RNF14: variants seen among roughly 807,000 people sequenced by gnomAD.
The protein encoded by RNF14 is E3 ubiquitin-protein ligase RNF14.
RNF14 carries 26 observed loss-of-function variants against 52.6 expected under a neutral mutation model. The ratio of observed to expected loss-of-function variants is 0.49; its 90% CI spans 0.36 to 0.69. The LOEUF (loss-of-function observed/expected upper bound fraction) is 0.69, where lower values mean the gene tolerates loss of function less well. Among genes scored for constraint, RNF14 ranks in the 30% least tolerant of loss-of-function variants. The pLI is 0.00. For synonymous variants in RNF14, 194 were observed against 202.0 expected, an observed-to-expected ratio of 0.96 and a Z score of 0.34; for missense variants, 404 against 560.4, an observed-to-expected ratio of 0.72 and a Z score of 2.82.
chr5:141,984,559 C>G (rs1755071268), intron 7 of RNF14, among the ~76,000 whole-genome samples: 1 of 152,188 alleles, frequency 6.6e-6, no homozygotes, highest in Non-Finnish European at 1.5e-5. Context: ...TGATTTTTAT[C>G]TACTGCTTGT....
intron 6 of RNF14, 39 bp downstream of exon 6, chr5:141,980,390 C>G: frequency 6.9e-7 from 1 of 1,452,784 alleles, no homozygotes; most frequent in Non-Finnish European, 9.6e-7. Context: ...CATCCCCAGT[C>G]TCTCCCTCAC....
chr5:141,957,702 GGACAGCTTCCC>G, upstream of RNF14: 2 of 1,614,114 alleles, frequency 1.2e-6, no homozygotes, highest in Non-Finnish European at 1.7e-6. The surrounding 1 kb of genome is among the most constrained non-coding windows in gnomAD (Gnocchi z 4.3). Flanking sequence ...CCAGTTCCTG[GGACAGCTTCCC>G]GATCACTGTA....
At chr5:141,955,521 G>A (rs558542016), upstream of RNF14, 17 of 1,614,162 alleles carry the variant, frequency 1.1e-5, no homozygotes, top group Admixed American at 5.0e-5. The surrounding 1 kb of genome is among the most constrained non-coding windows in gnomAD (Gnocchi z 5.5). Context: ...GCACAGGCAC[G>A]AGGTGGATGT....
chr5:141,972,722 C>T (rs1229276631), intron 2 of RNF14, among the ~76,000 whole-genome samples: 1 of 152,104 alleles, frequency 6.6e-6, no homozygotes, highest in African/African-American at 2.4e-5. Context: ...TCCCGAGTAG[C>T]TGGGATTACA....
At chr5:141,956,793 G>A (rs778157315), upstream of RNF14, 44 of 1,614,134 alleles carry the variant, frequency 2.7e-5, no homozygotes, top group African/African-American at 9.3e-5. Context: ...CCCATGTGAC[G>A]TGGATGCTTG....
chr5:141,975,477 A>C (rs1161354349), intron 4 of RNF14, among the ~76,000 whole-genome samples: 1 of 152,260 alleles, frequency 6.6e-6, no homozygotes, highest in East Asian at 1.9e-4. Flanking sequence ...ACATAAATGC[A>C]TACAAGTAGA....
intron 6 of RNF14, among the ~76,000 whole-genome samples, chr5:141,983,100 G>T (rs1190498419): frequency 6.6e-6 from 1 of 152,076 alleles, no homozygotes; most frequent in Non-Finnish European, 1.5e-5. Context: ...TCTGGATTCT[G>T]TGATGAGTGT....
Position 141,987,795 on chromosome 5 carries a change from C to T in RNF14, c.*5C>T. 1 of 1,612,498 alleles carries T rather than the reference C, an allele frequency of 6.2e-7. No individual in the cohort carries two copies. The highest frequency in any genetic ancestry group is 8.5e-7 in the Non-Finnish European group (1 of 1,179,356). On this transcript the variant is annotated 3_prime_UTR_variant, in exon 9 of 9. Transcript: ENST00000394520. ...GAAGATGAGGTAGAAGACTAGTTAA[C>T]TACTGCTCAAGATATGGAAGTGGAT...
At chr5:141,955,047 C>T (rs1753151072), upstream of RNF14, 2 of 1,614,150 alleles carry the variant, frequency 1.2e-6, no homozygotes, top group Admixed American at 3.3e-5. This position sits in a 1 kb window ranked among gnomAD's most constrained non-coding sequence, Gnocchi z 5.5. Context: ...ACAGCCGGAC[C>T]AGGCTCCGCA....
upstream of RNF14, chr5:141,957,556 C>A (rs151047883): frequency 6.2e-7 from 1 of 1,614,200 alleles, no homozygotes; most frequent in Non-Finnish European, 8.5e-7. This position sits in a 1 kb window ranked among gnomAD's most constrained non-coding sequence, Gnocchi z 4.3. Flanking sequence ...ATCCCACTGT[C>A]GGCACAGCTG....
intron 1 of RNF14, chr5:141,958,769 T>C (rs1753227537): frequency 6.6e-6 from 1 of 152,152 alleles, no homozygotes; most frequent in African/African-American, 2.4e-5. Context: ...ATCTGTAGAG[T>C]GGGGATGGGA....
chr5:141,979,230 G>GTTGTTGT (rs1561552676), intron 5 of RNF14, among the ~76,000 whole-genome samples: 2 of 145,472 alleles, frequency 1.4e-5, no homozygotes, highest in African/African-American at 5.0e-5. Flanking sequence ...TTAGGTGGTG[G>GTTGTTGT]TGGTGTTGTT....
In RNF14 at chr5:141,973,670, G is replaced by T; in HGVS notation, c.82G>T (p.Ala28Ser). The T allele has an allele frequency of 6.2e-7, 1 of 1,613,928 alleles. No homozygotes were observed. Among genetic ancestry groups the T allele is most frequent in the Admixed American group, 1.7e-5 (1 of 59,990 alleles). The change falls in exon 3 of 9, where the codon GCA (alanine) becomes TCA (serine). Residue 28 changes from alanine to serine, a missense_variant. Transcript: ENST00000394520. ...TTACGATGGAGATGAATTTAGAAAA[G>T]CAGAGTCTGTCCAAGGTGGAGAAAC... ...SIYDGDEFRK[A>S]ESVQGGETRI...
chr5:141,949,607 A>G, the RNF14 span: 1 of 1,610,372 alleles, frequency 6.2e-7, no homozygotes, highest in Non-Finnish European at 8.5e-7. Flanking sequence ...CAACCAGTCC[A>G]TGGGTAGGGA....
intron 6 of RNF14, among the ~76,000 whole-genome samples, chr5:141,982,912 T>C (rs531890973): frequency 7.9e-5 from 12 of 152,340 alleles, no homozygotes; most frequent in Admixed American, 2.6e-4. Context: ...TTTAACTGCA[T>C]ACTTCTAGAT....
At position 141,989,143 on chromosome 5, in the gene RNF14, T is replaced by C. The variant is rs1755461750; in HGVS notation, c.*1353T>C. The C allele has an allele frequency of 6.6e-6, 1 of 152,276 alleles. No individual in the cohort carries two copies. Among genetic ancestry groups the C allele is most frequent in the Non-Finnish European group, 1.5e-5 (1 of 68,034 alleles). 9.4% of individuals were successfully genotyped at this position (152,276 alleles called of 1,614,324 possible). A position where few individuals can be genotyped will look rare whatever the true frequency, so the allele number is the denominator to read the frequency against. On this transcript the variant is annotated 3_prime_UTR_variant, in exon 9 of 9. Coordinates refer to ENST00000394520, the MANE Select transcript of RNF14 (RefSeq NM_004290.5). ...GTTTTTGGATTGTCAAAGAGGATGC[T>C]TAGTCTTAAAATAAAAATAAATTTA...
At chr5:141,977,693 A>T (rs1754389590) in intron 4 of RNF14, among the ~76,000 whole-genome samples, 1 of 152,240 alleles carries the variant, frequency 6.6e-6, no homozygotes, top group African/African-American at 2.4e-5. Context: ...TCCATTAACC[A>T]GGATCTGATA....
In RNF14 at chr5:141,971,957, A is replaced by G. The variant is rs1384419152; in HGVS notation, c.-7+1080A>G. ...GCCACTGTGCCTGGGCCTTGTAGCT[A>G]AATTCTTAGTATTACCTAAAATAAT... On this transcript the variant is annotated intron_variant, in intron 2 of 8. Transcript: ENST00000394520. Among the ~76,000 whole-genome samples, 4 of 152,232 alleles carry G rather than the reference A, an allele frequency of 2.6e-5. No individual in the cohort carries two copies. In the South Asian group the frequency reaches 6.2e-4, roughly 24 times the overall value.
At chr5:141,965,408 T>C (rs1332220797), upstream of RNF14, among the ~76,000 whole-genome samples, 1 of 152,214 alleles carries the variant, frequency 6.6e-6, no homozygotes, top group African/African-American at 2.4e-5. Context: ...GGCTCCGTCA[T>C]CATCCGGTGT....
Sources: gnomAD v4.1 joint callset for allele counts (sites outside exome capture counted in the v4.1 genomes callset) on GRCh38, gnomAD v4.1.1 for gene constraint, Gnocchi (gnomAD v3.1) non-coding constraint, MANE v1.5 for transcripts, NCBI Gene and HGNC (gene_info 2026-07-23, HGNC 2026-07-21) for gene names.